LYPLA2: variants seen among roughly 807,000 people sequenced by gnomAD.
LYPLA2 encodes lysophospholipase 2, also known as acyl-protein thioesterase 2.
LYPLA2 carries 7 observed loss-of-function variants against 30.3 expected under a neutral mutation model. The ratio of observed to expected loss-of-function variants is 0.23; its 90% confidence interval spans 0.13 to 0.43. LYPLA2 has a LOEUF of 0.43. Ranked by LOEUF, LYPLA2 falls within the 20% of genes least tolerant of loss-of-function variation. LYPLA2 has a pLI of 1.00. For missense variants in LYPLA2, 206 were observed against 307.9 expected, an observed-to-expected ratio of 0.67 and a Z score of 2.48; for synonymous variants, 112 against 118.2, an observed-to-expected ratio of 0.95 and a Z score of 0.34.
chr1:23,792,964 C>CT, intron 2 of LYPLA2, 44 bp from the exon 3 acceptor site: 1 of 1,592,228 alleles, frequency 6.3e-7, no homozygotes, highest in Non-Finnish European at 8.6e-7. Context: ...GTTGGAGGAC[C>CT]TAGGGGAAGC....
rs912775583 is a variant in LYPLA2, at chr1:23,794,969, G to A, written c.*237G>A. On this transcript the variant is annotated 3_prime_UTR_variant, in exon 10 of 10. Transcript: ENST00000374514. The surrounding 1 kb of genome is among the most constrained non-coding windows in gnomAD (Gnocchi z 5.9). ...CTTTCTTATCCATTTCCCTGGAGGC[G>A]GGCCCCCCTGGCAGCAGTATTGGAG... 107 of 689,320 alleles carry A rather than the reference G, an allele frequency of 1.6e-4. No homozygotes were observed. The highest frequency in any genetic ancestry group is 2.3e-4 in the Non-Finnish European group (86 of 378,026). 42.7% of individuals were successfully genotyped at this position (689,320 alleles called of 1,614,324 possible). A position where few individuals can be genotyped will look rare whatever the true frequency, so the allele number is the denominator to read the frequency against.
chr1:23,792,507 CT>C, intron 1 of LYPLA2, 149 bp from the exon 2 acceptor site: 1 of 621,300 alleles, frequency 1.6e-6, no homozygotes, highest in Non-Finnish European at 2.9e-6. Flanking sequence ...CAGACTTCTT[CT>C]CCTGTGCCCT....
At chr1:23,792,825 G>T in intron 2 of LYPLA2, 65 bp downstream of exon 2, 1 of 1,476,060 alleles carries the variant, frequency 6.8e-7, no homozygotes, top group East Asian at 2.3e-5. Flanking sequence ...GCTGGAGGGG[G>T]TGTGGGAAAA....
At position 23,793,557 on chromosome 1, in the gene LYPLA2, AC is replaced by A; in HGVS notation, c.177-147del. 2 of 799,400 alleles carry A rather than the reference AC, an allele frequency of 2.5e-6. No individual in the cohort carries two copies. Among genetic ancestry groups the A allele is most frequent in the South Asian group, 1.5e-5 (1 of 65,508 alleles). 49.5% of individuals were successfully genotyped at this position (799,400 alleles called of 1,614,324 possible). A position where few individuals can be genotyped will look rare whatever the true frequency, so the allele number is the denominator to read the frequency against. ...TGCCCCAACCACAGCCTCCAGCCCC[AC>A]GTGGCAGGTTGCCTGGCAACACCTT... On this transcript the variant is annotated intron_variant, in intron 4 of 9. Coordinates refer to ENST00000374514, the MANE Select transcript of LYPLA2 (RefSeq NM_007260.3). The surrounding 1 kb of genome is among the most constrained non-coding windows in gnomAD (Gnocchi z 6.0).
At position 23,794,357 on chromosome 1, in the gene LYPLA2, G is replaced by C. The variant is rs752734760; in HGVS notation, c.471+32G>C. 6 of 1,593,142 alleles carry C rather than the reference G, an allele frequency of 3.8e-6. No homozygotes were observed. In the Admixed American group the frequency reaches 1.0e-4, roughly 27 times the overall value. The stretch of plus-strand genomic sequence containing the variant: ...GTCCCCACTGACCCCCCCGCCCTTT[G>C]TGTCTGCATCCTCGTGGCTTGGGGA... On this transcript the variant is annotated intron_variant, in intron 8 of 9. Transcript: ENST00000374514. The surrounding 1 kb of genome is among the most constrained non-coding windows in gnomAD (Gnocchi z 5.9).
In LYPLA2 at chr1:23,793,144, C is replaced by T. The variant is rs958536435; in HGVS notation, c.111-7C>T. 6 of 1,613,928 alleles carry T rather than the reference C, an allele frequency of 3.7e-6. No individual in the cohort carries two copies. The African/African-American group carries it at 4.0e-5, about 11-fold the overall frequency. ...CATCGGAGCCTTTTCTCCCGTCCCT[C>T]CTACAGGCACAGCTGGGCTGACGCC... is the stretch of plus-strand genomic sequence containing the variant. On this transcript the variant is annotated splice_polypyrimidine_tract_variant and splice_region_variant and intron_variant, in intron 3 of 9. Coordinates refer to ENST00000374514, the MANE Select transcript of LYPLA2 (RefSeq NM_007260.3). This position sits in a 1 kb window ranked among gnomAD's most constrained non-coding sequence, Gnocchi z 6.0.
At chr1:23,792,129 A>G (rs1638805837) in intron 1 of LYPLA2, 1 of 107,924 alleles carries the variant, frequency 9.3e-6, no homozygotes, top group Admixed American at 1.3e-4. Context: ...TGGGCCAGAA[A>G]CTGCTGTGAA....
chr1:23,792,882 C>T (rs550681434), intron 2 of LYPLA2, 122 bp downstream of exon 2: 18 of 1,070,160 alleles, frequency 1.7e-5, no homozygotes, highest in African/African-American at 6.7e-5. Context: ...CCAGCAGGCT[C>T]GGGGTAGTAA....
In LYPLA2 at chr1:23,792,730, C is replaced by G; in HGVS notation, c.48C>G (p.Thr16=). The G allele has an allele frequency of 6.2e-7, 1 of 1,612,484 alleles. No individual in the cohort carries two copies. The highest frequency in any genetic ancestry group is 8.5e-7 in the Non-Finnish European group (1 of 1,179,924). Residue 16 remains threonine, a synonymous_variant, in exon 2 of 10, where the codon ACC becomes ACG. Transcript: ENST00000374514. ...MSVPLLTDAA[T]VSGAERETAA... ...TGCCCCTGCTCACCGATGCTGCCAC[C>G]GTGTCTGGAGCTGAGCGGGAAACGG... is the stretch of plus-strand genomic sequence containing the variant.
rs1188214339 is a variant in LYPLA2 at position 23,794,095 on chromosome 1, G to A, written c.328G>A (p.Gly110Arg). 4 of 1,613,020 alleles carry A rather than the reference G, an allele frequency of 2.5e-6. No homozygotes were observed. Among genetic ancestry groups the A allele is most frequent in the African/African-American group, 1.3e-5 (1 of 74,728 alleles). The change falls in exon 7 of 10, where the codon GGG becomes AGG. Residue 110 changes from glycine (G) to arginine (R), a missense_variant. By Grantham distance (125) the Gly-to-Arg change is moderately radical (BLOSUM62 -2). Transcript: ENST00000374514. The surrounding 1 kb of genome is among the most constrained non-coding windows in gnomAD (Gnocchi z 5.9). Reference protein sequence around the residue: ...KALIEHEMKNGIPANRIVLGG... With the variant: ...KALIEHEMKNRIPANRIVLGG... ...CTTGATTGAGCATGAAATGAAGAAC[G>A]GGATCCCTGCCAATCGAATCGTCCT...
Position 23,794,388 on chromosome 1 carries a change from G to T in LYPLA2, c.472-39G>T. Reference sequence around the variant, plus strand: ...GCATCCTCGTGGCTTGGGGACTGCTGCAGCACTAGCTTTGCCCTGAGTCCT... The same window carrying T: ...GCATCCTCGTGGCTTGGGGACTGCTTCAGCACTAGCTTTGCCCTGAGTCCT... On this transcript the variant is annotated intron_variant, in intron 8 of 9. Transcript: ENST00000374514. This position sits in a 1 kb window ranked among gnomAD's most constrained non-coding sequence, Gnocchi z 5.9. The T allele has an allele frequency of 6.2e-7, 1 of 1,611,454 alleles. No individual in the cohort carries two copies. The highest frequency in any genetic ancestry group is 8.5e-7 in the Non-Finnish European group (1 of 1,178,220).
chr1:23,793,632 C>T lies in LYPLA2; in HGVS notation c.177-73C>T, dbSNP rs994548676. 18 of 1,513,794 alleles carry T rather than the reference C, an allele frequency of 1.2e-5. No homozygotes were observed. Among genetic ancestry groups the T allele is most frequent in the Admixed American group, 5.0e-5 (3 of 59,824 alleles). 93.8% of individuals were successfully genotyped at this position (1,513,794 alleles called of 1,614,324 possible). ...AGGGGCCACCAGGGGCGGCGCGGCC[C>T]CACTCCGGGCTCTGAGCTCTGGCCT... On this transcript the variant is annotated intron_variant, in intron 4 of 9. Transcript: ENST00000374514. The surrounding 1 kb of genome is among the most constrained non-coding windows in gnomAD (Gnocchi z 6.0).
chr1:23,795,527 A>C lies in LYPLA2; in HGVS notation c.*795A>C. ...CCTGGATTCCGATAAAATTAAAGAA[A>C]TTGCTTCCTCAACGCTCAGGCCTGG... On this transcript the variant is annotated 3_prime_UTR_variant, in exon 10 of 10. Coordinates refer to ENST00000374514, the MANE Select transcript of LYPLA2 (RefSeq NM_007260.3). 4.2e-6 allele frequency: 1 copy of C among 238,122 alleles called. No individual in the cohort carries two copies. Among genetic ancestry groups the C allele is most frequent in the Non-Finnish European group, 8.3e-6 (1 of 120,308 alleles). The allele number at this position is 238,122 out of a possible 1,614,324, so 14.8% of individuals were successfully genotyped here.
In LYPLA2 at chr1:23,794,260, C is replaced by T. The variant is rs1195978018; in HGVS notation, c.406C>T (p.Pro136Ser). The T allele has an allele frequency of 2.5e-6, 4 of 1,612,144 alleles. No homozygotes were observed. Among genetic ancestry groups the T allele is most frequent in the Non-Finnish European group, 3.4e-6 (4 of 1,179,840 alleles). ...GTCCCTCTACACGGCCCTCACCTGC[C>T]CCCACCCTCTGGCTGGCATCGTGGC... The part of the protein sequence containing the change: ...ALSLYTALTC[P>S]HPLAGIVALS... The change falls in exon 8 of 10, where the codon CCC becomes TCC. Residue 136 changes from proline to serine, a missense_variant. Transcript: ENST00000374514. The surrounding 1 kb of genome is among the most constrained non-coding windows in gnomAD (Gnocchi z 5.9).
rs757623964 is a variant in LYPLA2 at position 23,794,060 on chromosome 1, C to T, written c.296-3C>T. On this transcript the variant is annotated splice_polypyrimidine_tract_variant and splice_region_variant and intron_variant, in intron 6 of 9. Transcript: ENST00000374514. The surrounding 1 kb of genome is among the most constrained non-coding windows in gnomAD (Gnocchi z 5.9). ...CTCTACCCACTCATGCCCCCTCCCC[C>T]AGTCAAGGCCTTGATTGAGCATGAA... 5 of 1,613,246 alleles carry T rather than the reference C, an allele frequency of 3.1e-6. No homozygotes were observed. In the East Asian group the frequency reaches 6.7e-5, roughly 22 times the overall value.
intron 1 of LYPLA2, chr1:23,791,937 C>T (rs1638801308): frequency 1.3e-5 from 2 of 152,546 alleles, no homozygotes; most frequent in Non-Finnish European, 2.9e-5. Flanking sequence ...GGCCAGCCAG[C>T]CTGACATTCT....
chr1:23,792,600 G>A, intron 1 of LYPLA2, 57 bp from the exon 2 acceptor site: 1 of 1,109,286 alleles, frequency 9.0e-7, no homozygotes, highest in African/African-American at 1.5e-5. Context: ...GGCCTCTTGG[G>A]CCAGGAGTGT....
At position 23,793,626 on chromosome 1, in the gene LYPLA2, G is replaced by T; in HGVS notation, c.177-79G>T. 6.9e-7 allele frequency: 1 copy of T among 1,458,030 alleles called. No individual in the cohort carries two copies. The highest frequency in any genetic ancestry group is 9.6e-7 in the Non-Finnish European group (1 of 1,038,370). 90.3% of individuals were successfully genotyped at this position (1,458,030 alleles called of 1,614,324 possible). A position where few individuals can be genotyped will look rare whatever the true frequency, so the allele number is the denominator to read the frequency against. On this transcript the variant is annotated intron_variant, in intron 4 of 9. Coordinates refer to ENST00000374514, the MANE Select transcript of LYPLA2 (RefSeq NM_007260.3). This position sits in a 1 kb window ranked among gnomAD's most constrained non-coding sequence, Gnocchi z 6.0. ...GCTGGGAGGGGCCACCAGGGGCGGC[G>T]CGGCCCCACTCCGGGCTCTGAGCTC... is the stretch of plus-strand genomic sequence containing the variant.
rs199697474 is a variant in LYPLA2 at position 23,793,219 on chromosome 1, G to C, written c.176+3G>C. ...GTCAAGTACATCTGTCCCCATGCGT[G>C]AGTGTCACCCCAGCAAGGGAGGGGC... On this transcript the variant is annotated splice_donor_region_variant and intron_variant, in intron 4 of 9. Coordinates refer to ENST00000374514, the MANE Select transcript of LYPLA2 (RefSeq NM_007260.3). The surrounding 1 kb of genome is among the most constrained non-coding windows in gnomAD (Gnocchi z 6.0). 6.2e-7 allele frequency: 1 copy of C among 1,613,382 alleles called. No homozygotes were observed. The highest frequency in any genetic ancestry group is 2.2e-5 in the East Asian group (1 of 44,874).
Sources: gnomAD v4.1 joint callset for allele counts on GRCh38, gnomAD v4.1.1 for gene constraint, Gnocchi (gnomAD v3.1) non-coding constraint, MANE v1.5 for transcripts, NCBI Gene and HGNC (gene_info 2026-07-23, HGNC 2026-07-21) for gene names.